CPT1A: variants seen among roughly 807,000 people sequenced by gnomAD.
CPT1A encodes the protein carnitine O-palmitoyltransferase 1, liver isoform.
CPT1A carries 64 observed loss-of-function variants against 100.8 expected under a neutral mutation model. The observed-to-expected ratio is 0.63, with a 90% CI of 0.52 to 0.78. CPT1A has a LOEUF of 0.78. Ranked by LOEUF, CPT1A falls within the 30% of genes least tolerant of loss-of-function variation. The probability of loss-of-function intolerance (pLI) is 0.00; values close to 1 mark genes in which losing one functional copy is unlikely to be tolerated. For missense variants in CPT1A, 802 were observed against 1,034.1 expected (o/e 0.78, Z 3.08); for synonymous variants, 363 against 396.0 (o/e 0.92, Z 0.99).
chr11:68,785,518 C>A (rs1840273), intron 9 of CPT1A, among the ~76,000 whole-genome samples: 143,783 of 144,898 alleles, frequency 0.99, 71,345 homozygotes, highest in East Asian at 1. Flanking sequence ...CCGAGATCAC[C>A]CCACTGCACT....
rs1182146270 is a variant in CPT1A, at chr11:68,841,671, CA to C, written c.-14+103del. The C allele has an allele frequency of 1.3e-5, 8 of 601,008 alleles. No homozygotes were observed. The highest frequency in any genetic ancestry group is 2.0e-5 in the African/African-American group (1 of 49,570). The allele number at this position is 601,008 out of a possible 1,614,324, so 37.2% of individuals were successfully genotyped here. A position where few individuals can be genotyped will look rare whatever the true frequency, so the allele number is the denominator to read the frequency against. ...GCGCCCCGGTTCCGGCGGCGTCCCC[CA>C]CCCGGTCCGGTTCCCGGCAGCCCCG... On this transcript the variant is annotated intron_variant, in intron 1 of 18. Coordinates refer to ENST00000265641, the MANE Select transcript of CPT1A (RefSeq NM_001876.4). The surrounding 1 kb of genome is among the most constrained non-coding windows in gnomAD (Gnocchi z 6.3).
intron 1 of CPT1A, among the ~76,000 whole-genome samples, chr11:68,819,016 A>C (rs1245224651): frequency 6.6e-6 from 1 of 152,186 alleles, no homozygotes; most frequent in African/African-American, 2.4e-5. Context: ...GCATCAAAGC[A>C]AGCAGCTCTG....
At chr11:68,815,818 C>T (rs1856371317) in intron 1 of CPT1A, among the ~76,000 whole-genome samples, 2 of 146,366 alleles carry the variant, frequency 1.4e-5, no homozygotes, top group East Asian at 2.0e-4. Context: ...TGGCCCTGGA[C>T]GTCCCCCAGA....
At chr11:68,802,204 C>T (rs150616272) in intron 5 of CPT1A, among the ~76,000 whole-genome samples, 185 of 152,090 alleles carry the variant, frequency 1.2e-3, no homozygotes, top group African/African-American at 4.1e-3. Flanking sequence ...GTGAGGGCTG[C>T]GCAACATTAT....
chr11:68,797,441 C>T (rs1855783578), intron 6 of CPT1A, among the ~76,000 whole-genome samples: 1 of 152,120 alleles, frequency 6.6e-6, no homozygotes, highest in South Asian at 2.1e-4. Flanking sequence ...GAGGTTGAGA[C>T]AGGAAGATCG....
At chr11:68,763,322 A>G (rs1353781161) in intron 14 of CPT1A, among the ~76,000 whole-genome samples, 1 of 151,366 alleles carries the variant, frequency 6.6e-6, no homozygotes, top group Non-Finnish European at 1.5e-5. Flanking sequence ...CCCACCCCCG[A>G]GTCCAACACA....
Position 68,784,811 on chromosome 11 carries a change from G to A in CPT1A, c.1163+4C>T, listed in dbSNP as rs144919492. 56 of 1,607,294 alleles carry A rather than the reference G, an allele frequency of 3.5e-5. No homozygotes were observed. Among genetic ancestry groups the A allele is most frequent in the African/African-American group, 1.6e-4 (12 of 75,032 alleles). ...AAACAGGACAAGGGACCTAGGCTGCGCACCTGTCTCCTGCGGTGAGGGCTG... is the reference window on the plus strand; with the variant it reads ...AAACAGGACAAGGGACCTAGGCTGCACACCTGTCTCCTGCGGTGAGGGCTG... On this transcript the variant is annotated splice_donor_region_variant and intron_variant, in intron 10 of 18. Transcript: ENST00000265641.
chr11:68,842,610 G>A (rs115167984), upstream of CPT1A, among the ~76,000 whole-genome samples: 1,579 of 152,310 alleles, frequency 0.01, 30 homozygotes, highest in African/African-American at 0.036. Flanking sequence ...GGGGGCTTTG[G>A]TGAGATTTAC....
chr11:68,805,688 C>A (rs1856024211), intron 4 of CPT1A, among the ~76,000 whole-genome samples: 1 of 152,184 alleles, frequency 6.6e-6, no homozygotes, highest in Admixed American at 6.5e-5. Context: ...ACCGGCAGAC[C>A]CACGGATCAG....
At chr11:68,819,203 C>T (rs1006095507) in intron 1 of CPT1A, among the ~76,000 whole-genome samples, 7 of 152,124 alleles carry the variant, frequency 4.6e-5, no homozygotes, top group African/African-American at 1.7e-4. Flanking sequence ...TTCAGCCTCC[C>T]GAGTAGCTGG....
chr11:68,824,248 CAAA>C (rs34276531), intron 1 of CPT1A, among the ~76,000 whole-genome samples: 70 of 69,108 alleles, frequency 1.0e-3, no homozygotes, highest in Admixed American at 3.4e-3. Context: ...AGCTCCATCT[CAAA>C]AAAAAAAAAA....
Position 68,780,877 on chromosome 11 carries a change from C to CA in CPT1A, c.1353-133dup, listed in dbSNP as rs1855291424. 5.5e-6 allele frequency: 4 copies of CA among 722,822 alleles called. No homozygotes were observed. The South Asian group carries it at 5.9e-5, about 11-fold the overall frequency. 44.8% of individuals were successfully genotyped at this position (722,822 alleles called of 1,614,324 possible). On this transcript the variant is annotated intron_variant, in intron 11 of 18. Transcript: ENST00000265641. Reference sequence around the variant, plus strand: ...GTCCCTCTAACAGTGAGCAGACACTCAGTCTCTGTGGAGTGAGGGTGAAAG... The same window carrying CA: ...GTCCCTCTAACAGTGAGCAGACACTCAAGTCTCTGTGGAGTGAGGGTGAAAG...
At chr11:68,808,981 A>C (rs1432582845) in intron 3 of CPT1A, among the ~76,000 whole-genome samples, 3 of 149,918 alleles carry the variant, frequency 2.0e-5, no homozygotes, top group South Asian at 2.1e-4. Context: ...ATAAGAAATA[A>C]AAAATAATAA....
intron 1 of CPT1A, among the ~76,000 whole-genome samples, chr11:68,825,521 C>T (rs938445108): frequency 6.6e-6 from 1 of 152,132 alleles, no homozygotes; most frequent in East Asian, 1.9e-4. Context: ...CATGCCCAAG[C>T]CCCCTTACCC....
intron 14 of CPT1A, among the ~76,000 whole-genome samples, chr11:68,763,593 C>T (rs928715037): frequency 5.3e-5 from 8 of 152,076 alleles, no homozygotes; most frequent in Non-Finnish European, 8.8e-5. Context: ...CAGGAAGCCT[C>T]GGGTGGGCTG....
intron 5 of CPT1A, among the ~76,000 whole-genome samples, chr11:68,801,790 C>T (rs1855908941): frequency 6.6e-6 from 1 of 151,672 alleles, no homozygotes. Flanking sequence ...CACCCATGCA[C>T]TGCTGGTTAG....
chr11:68,764,956 C>T (rs1854750516), intron 14 of CPT1A, among the ~76,000 whole-genome samples: 1 of 152,192 alleles, frequency 6.6e-6, no homozygotes, highest in African/African-American at 2.4e-5. Flanking sequence ...TTCCCCAACC[C>T]ACAGATGCCA....
intron 1 of CPT1A, among the ~76,000 whole-genome samples, chr11:68,826,463 G>T (rs777130928): frequency 3.5e-5 from 5 of 141,210 alleles, no homozygotes; most frequent in African/African-American, 1.3e-4. Flanking sequence ...GGTCAGGCGC[G>T]GTGGCTCACG....
At chr11:68,842,082 G>A (rs1222857039), upstream of CPT1A, among the ~76,000 whole-genome samples, 2 of 152,012 alleles carry the variant, frequency 1.3e-5, no homozygotes, top group African/African-American at 4.8e-5. Context: ...ATGGGGTCTA[G>A]GACGAGATTC....
Sources: gnomAD v4.1 joint callset for allele counts (sites outside exome capture counted in the v4.1 genomes callset) on GRCh38, gnomAD v4.1.1 for gene constraint, Gnocchi (gnomAD v3.1) non-coding constraint, MANE v1.5 for transcripts, NCBI Gene and HGNC (gene_info 2026-07-23, HGNC 2026-07-21) for gene names.